The following CARD19 variants were observed in gnomAD, a reference collection of about 807,000 sequenced individuals.
CARD19 encodes caspase recruitment domain family member 19.
CARD19 carries 25 observed loss-of-function variants against 24.1 expected under a neutral mutation model. The ratio of observed to expected loss-of-function variants is 1.04; its 90% CI spans 0.76 to 1.45. The LOEUF (loss-of-function observed/expected upper bound fraction) is 1.45, where lower values mean the gene tolerates loss of function less well. Ranked by LOEUF, CARD19 falls within the 40% of genes most tolerant of loss-of-function variation. CARD19 has a pLI of 0.00. For synonymous variants in CARD19, 103 were observed against 104.9 expected, an observed-to-expected ratio of 0.98 and a Z score of 0.11; for missense variants, 241 against 247.4, an observed-to-expected ratio of 0.97 and a Z score of 0.17.
At chr9:93,112,169 C>A (rs1465097489) in intron 4 of CARD19, 49 bp from the exon 5 acceptor site, 5 of 1,519,160 alleles carry the variant, frequency 3.3e-6, no homozygotes, top group Non-Finnish European at 4.4e-6. Context: ...CTCAGGACCC[C>A]ACCCCTCTGA....
chr9:93,111,972 C>T (rs1554754554), intron 4 of CARD19, 34 bp downstream of exon 4: 1 of 1,587,416 alleles, frequency 6.3e-7, no homozygotes, highest in South Asian at 1.1e-5. Context: ...CCTCTCTCTC[C>T]CTCTCTCTCC....
In CARD19 at chr9:93,110,677, A is replaced by ATGCCCAGCCCCTGCACAGCCGCC. The variant is rs1827435210; in HGVS notation, c.270_292dup (p.Arg98ProfsTer20). ...GAGTTCTACCGAGCCCTGTATATCCATGCCCAGCCCCTGCACAGCCGCCTG... is the reference window on the plus strand; with the variant it reads ...GAGTTCTACCGAGCCCTGTATATCCATGCCCAGCCCCTGCACAGCCGCCTGCCCAGCCCCTGCACAGCCGCCTG... On this transcript the variant is annotated frameshift_variant, in exon 3 of 6. Transcript: ENST00000375464. LOFTEE classifies it high-confidence loss of function. 6.2e-7 allele frequency: 1 copy of ATGCCCAGCCCCTGCACAGCCGCC among 1,613,140 alleles called. No individual in the cohort carries two copies. The highest frequency in any genetic ancestry group is 8.5e-7 in the Non-Finnish European group (1 of 1,179,998).
chr9:93,097,381 C>T (rs1826915252), intron 1 of CARD19, among the ~76,000 whole-genome samples: 2 of 152,122 alleles, frequency 1.3e-5, no homozygotes, highest in Non-Finnish European at 2.9e-5. Context: ...GAGACCCCAG[C>T]TGCCACCTGC....
intron 1 of CARD19, among the ~76,000 whole-genome samples, chr9:93,100,561 A>G (rs931531173): frequency 1.3e-5 from 2 of 152,244 alleles, no homozygotes; most frequent in Non-Finnish European, 2.9e-5. Context: ...GAGAAAATAT[A>G]TGGAAACATA....
In CARD19 at chr9:93,098,365, C is replaced by T. The variant is rs947910931; in HGVS notation, c.7+2013C>T. On this transcript the variant is annotated intron_variant, in intron 1 of 5. Coordinates refer to ENST00000375464, the MANE Select transcript of CARD19 (RefSeq NM_032310.5). ...AGATGTCTTGTGGGCCTAGAGGGCC[C>T]GGTGAGAGTGGGTGGGGCCAGCTCC... Among the ~76,000 whole-genome samples the T allele has an allele frequency of 9.2e-5, 14 of 152,156 alleles. No homozygotes were observed. In the East Asian group the frequency reaches 1.9e-3, roughly 21 times the overall value.
intron 3 of CARD19, chr9:93,111,156 G>T: frequency 8.2e-7 from 1 of 1,214,780 alleles, no homozygotes; most frequent in Non-Finnish European, 1.0e-6. Context: ...TCATTGCAGC[G>T]ATCTGCACAC....
At chr9:93,097,998 C>A (rs985044303) in intron 1 of CARD19, among the ~76,000 whole-genome samples, 1 of 152,280 alleles carries the variant, frequency 6.6e-6, no homozygotes, top group Non-Finnish European at 1.5e-5. Flanking sequence ...AGGCTCACTG[C>A]CTCCATGCAC....
At position 93,113,095 on chromosome 9, in the gene CARD19, A is replaced by AG. The variant is rs980397062; in HGVS notation, c.546dup (p.Leu183AlafsTer?). 2.5e-6 allele frequency: 4 copies of AG among 1,575,030 alleles called. No individual in the cohort carries two copies. The highest frequency in any genetic ancestry group is 1.3e-5 in the African/African-American group (1 of 74,322). ...TGCTGGCCTTCCTGGCAGATGACCT[A>AG]GGGGGGCTCTGACAGACCCTGGACC... On this transcript the variant is annotated frameshift_variant, in exon 6 of 6. Coordinates refer to ENST00000375464, the MANE Select transcript of CARD19 (RefSeq NM_032310.5). LOFTEE classifies it high-confidence loss of function.
At chr9:93,108,935 A>T (rs1213922612) in intron 2 of CARD19, 1 of 151,396 alleles carries the variant, frequency 6.6e-6, no homozygotes, top group Admixed American at 6.6e-5. Flanking sequence ...CACCCTGCCG[A>T]CCCTACCCAC....
At position 93,110,618 on chromosome 9, in the gene CARD19, CCACCTG is replaced by C. The variant is rs750785740; in HGVS notation, c.204_209del (p.His68_Leu69del). On this transcript the variant is annotated inframe_deletion, in exon 3 of 6. Coordinates refer to ENST00000375464, the MANE Select transcript of CARD19 (RefSeq NM_032310.5). ...GTGTGCGGCTCTGTGACCTCCTGAG[CCACCTG>C]CAGCGGAGCGGTGAGCGGGACTGCC... The C allele has an allele frequency of 6.2e-7, 1 of 1,613,712 alleles. No individual in the cohort carries two copies. The highest frequency in any genetic ancestry group is 1.1e-5 in the South Asian group (1 of 91,046).
In CARD19 at chr9:93,111,875, C is replaced by T. The variant is rs373347051; in HGVS notation, c.305-4C>T. The T allele has an allele frequency of 6.2e-7, 1 of 1,611,618 alleles. No individual in the cohort carries two copies. Among genetic ancestry groups the T allele is most frequent in the South Asian group, 1.1e-5 (1 of 90,906 alleles). Reference sequence around the variant, plus strand: ...CTAACTATGCTCTGTGGTTTTGTTTCCAGAGAACTCAGATTGCACAGAGCT... The same window carrying T: ...CTAACTATGCTCTGTGGTTTTGTTTTCAGAGAACTCAGATTGCACAGAGCT... On this transcript the variant is annotated splice_polypyrimidine_tract_variant and splice_region_variant and intron_variant, in intron 3 of 5. Transcript: ENST00000375464.
chr9:93,112,913 C>A, intron 5 of CARD19, 79 bp from the exon 6 acceptor site: 3 of 965,104 alleles, frequency 3.1e-6, no homozygotes, highest in South Asian at 1.6e-5. Flanking sequence ...TTCCCACCCA[C>A]CCCCGCAGGA....
At chr9:93,104,878 T>A (rs754942695) in intron 1 of CARD19, among the ~76,000 whole-genome samples, 2 of 152,216 alleles carry the variant, frequency 1.3e-5, no homozygotes, top group Non-Finnish European at 2.9e-5. Context: ...GTTTTATTGA[T>A]GTTATCAAAG....
chr9:93,107,571 C>A, intron 1 of CARD19, 103 bp from the exon 2 acceptor site: 1 of 1,389,720 alleles, frequency 7.2e-7, no homozygotes. Flanking sequence ...GGTGGGAACC[C>A]ACCTTGGGGG....
chr9:93,110,970 C>A, intron 3 of CARD19: 1 of 1,518,196 alleles, frequency 6.6e-7, no homozygotes, highest in East Asian at 2.5e-5. Flanking sequence ...GTCTCTCTCT[C>A]ATGGCAGTTT....
intron 1 of CARD19, among the ~76,000 whole-genome samples, chr9:93,101,612 G>A (rs1827087610): frequency 6.6e-6 from 1 of 151,612 alleles, no homozygotes; most frequent in Admixed American, 6.6e-5. Flanking sequence ...GCTAATTTTT[G>A]TATTTTTAGT....
Position 93,113,062 on chromosome 9 carries a change from C to A in CARD19, c.507C>A (p.Ser169Arg). Reference sequence around the variant, plus strand: ...CTGTCATCATCGACAGACATGTCAGCCGCTACCTGCTGGCCTTCCTGGCAG... The same window carrying A: ...CTGTCATCATCGACAGACATGTCAGACGCTACCTGCTGGCCTTCCTGGCAG... Reference protein sequence around the residue: ...FSPVIIDRHVSRYLLAFLADD... With the variant: ...FSPVIIDRHVRRYLLAFLADD... Residue 169 changes from serine to arginine, a missense_variant, in exon 6 of 6, where the codon AGC becomes AGA. By Grantham distance (110) the Ser-to-Arg change is moderately radical (BLOSUM62 -1). Coordinates refer to ENST00000375464, the MANE Select transcript of CARD19 (RefSeq NM_032310.5). The A allele has an allele frequency of 6.2e-7, 1 of 1,602,168 alleles. No individual in the cohort carries two copies. The highest frequency in any genetic ancestry group is 8.5e-7 in the Non-Finnish European group (1 of 1,173,656).
intron 2 of CARD19, chr9:93,110,337 A>G (rs1827418760): frequency 7.7e-6 from 5 of 646,348 alleles, no homozygotes; most frequent in Non-Finnish European, 1.2e-5. Context: ...CTGTTTCCCA[A>G]CCTCCCACCC....
chr9:93,096,966 T>G lies in CARD19; in HGVS notation c.7+614T>G, dbSNP rs1005288908. On this transcript the variant is annotated intron_variant, in intron 1 of 5. Transcript: ENST00000375464. This position sits in a 1 kb window ranked among gnomAD's most constrained non-coding sequence, Gnocchi z 5.4. ...GGACAGCGACTGGACCCCCCAAGGT[T>G]GTTGTGCTCCACGCTAGTGGCCCCA... Among the ~76,000 whole-genome samples the G allele has an allele frequency of 9.9e-5, 15 of 152,118 alleles. No homozygotes were observed. Among genetic ancestry groups the G allele is most frequent in the Non-Finnish European group, 1.9e-4 (13 of 67,992 alleles).
Sources: gnomAD v4.1 joint callset for allele counts (sites outside exome capture counted in the v4.1 genomes callset) on GRCh38, gnomAD v4.1.1 for gene constraint, Gnocchi (gnomAD v3.1) non-coding constraint, MANE v1.5 for transcripts, NCBI Gene and HGNC (gene_info 2026-07-23, HGNC 2026-07-21) for gene names.